The following TACC2 variants were observed in gnomAD, a reference collection of about 807,000 sequenced individuals.
TACC2 encodes transforming acidic coiled-coil-containing protein 2.
TACC2 carries 137 observed loss-of-function variants against 227.3 expected under a neutral mutation model. The ratio of observed to expected loss-of-function variants is 0.60; its 90% CI spans 0.52 to 0.69. The LOEUF (loss-of-function observed/expected upper bound fraction) is 0.69. Ranked by LOEUF, TACC2 falls within the 30% of genes least tolerant of loss-of-function variation. TACC2 has a pLI of 0.00. For missense variants in TACC2, 3,470 were observed against 3,694.4 expected, an observed-to-expected ratio of 0.94 and a Z score of 1.57; for synonymous variants, 1,523 against 1,487.5, an observed-to-expected ratio of 1.02 and a Z score of -0.55.
intron 22 of TACC2, among the ~76,000 whole-genome samples, chr10:122,251,153 G>A (rs2096247498): frequency 1.3e-5 from 2 of 151,852 alleles, no homozygotes; most frequent in South Asian, 4.2e-4. Context: ...TTAAACTTCT[G>A]GGCTCAAGCA....
chr10:122,031,827 C>T (rs1283986837), intron 2 of TACC2, among the ~76,000 whole-genome samples: 20 of 152,182 alleles, frequency 1.3e-4, no homozygotes, highest in Admixed American at 1.2e-3. Context: ...GCCTCAGCCT[C>T]CCGAGTAGCT....
chr10:122,063,056 A>T (rs1392481592), intron 3 of TACC2, among the ~76,000 whole-genome samples: 1 of 116,304 alleles, frequency 8.6e-6, no homozygotes, highest in African/African-American at 2.6e-5. Context: ...CAGACTCGTA[A>T]CTGACTCTCA....
At position 122,021,946 on chromosome 10, in the gene TACC2, A is replaced by G; in HGVS notation, c.-36A>G. 6.2e-7 allele frequency: 1 copy of G among 1,613,244 alleles called. No individual in the cohort carries two copies. The highest frequency in any genetic ancestry group is 8.5e-7 in the Non-Finnish European group (1 of 1,179,256). ...CTTTTGTTTCTTCCAGTCACCTCTG[A>G]CAAAATTCTGGGGACGCTGGGAACA... On this transcript the variant is annotated 5_prime_UTR_variant, in exon 2 of 23. Transcript: ENST00000369005.
chr10:122,144,218 C>T (rs1325948297), intron 7 of TACC2, among the ~76,000 whole-genome samples: 2 of 152,066 alleles, frequency 1.3e-5, no homozygotes, highest in Non-Finnish European at 2.9e-5. Flanking sequence ...GGGATGAGGT[C>T]CACCCACATT....
Position 122,083,703 on chromosome 10 carries a change from G to A in TACC2, c.1203G>A (p.Leu401=), listed in dbSNP as rs1341585496. ...VAAGGQPEGG[L]PVSPEPSLLT... ...CAGGCGGCCAGCCCGAAGGGGGTTTGCCTGTGAGCCCTGAACCTTCCCTGC... is the reference window on the plus strand; with the variant it reads ...CAGGCGGCCAGCCCGAAGGGGGTTTACCTGTGAGCCCTGAACCTTCCCTGC... Residue 401 remains leucine, a synonymous_variant, in exon 4 of 23, where the codon TTG becomes TTA. Coordinates refer to ENST00000369005, the MANE Select transcript of TACC2 (RefSeq NM_206862.4). The A allele has an allele frequency of 1.9e-6, 3 of 1,613,478 alleles. No individual in the cohort carries two copies. Among genetic ancestry groups the A allele is most frequent in the Non-Finnish European group, 2.5e-6 (3 of 1,180,032 alleles).
chr10:122,096,389 C>T (rs1002222494), intron 5 of TACC2, among the ~76,000 whole-genome samples: 2 of 152,180 alleles, frequency 1.3e-5, no homozygotes, highest in African/African-American at 2.4e-5. Context: ...CCCCCGGTGG[C>T]CACACCTACA....
At chr10:122,148,865 G>A (rs1290243144) in intron 7 of TACC2, among the ~76,000 whole-genome samples, 1 of 152,218 alleles carries the variant, frequency 6.6e-6, no homozygotes, top group Non-Finnish European at 1.5e-5. Flanking sequence ...GGAGAAAAGT[G>A]AGGTTCTGGG....
chr10:121,999,501 C>T (rs1408261148), intron 1 of TACC2, among the ~76,000 whole-genome samples: 1 of 152,256 alleles, frequency 6.6e-6, no homozygotes, highest in Non-Finnish European at 1.5e-5. Flanking sequence ...GTCACAAGCT[C>T]ATCGCCACAT....
chr10:122,069,315 C>G (rs996734152), intron 3 of TACC2, among the ~76,000 whole-genome samples: 1 of 152,084 alleles, frequency 6.6e-6, no homozygotes, highest in Non-Finnish European at 1.5e-5. Context: ...CATCTCGGCT[C>G]ACTACAATCT....
intron 1 of TACC2, among the ~76,000 whole-genome samples, chr10:122,004,791 C>T (rs1954854895): frequency 6.6e-6 from 1 of 152,160 alleles, no homozygotes; most frequent in Non-Finnish European, 1.5e-5. Flanking sequence ...CTATTGCAAT[C>T]CCCCCTCTTG....
At position 122,084,247 on chromosome 10, in the gene TACC2, C is replaced by G; in HGVS notation, c.1747C>G (p.Pro583Ala). ...GDSPGGKEEA[P>A]EPPDGGDPGN... ...CAGCCCTGGAGGAAAGGAGGAAGCC[C>G]CAGAGCCACCTGATGGTGGAGACCC... The change falls in exon 4 of 23, where the codon CCA (proline) becomes GCA (alanine). Residue 583 changes from proline to alanine, a missense_variant. Pro to Ala is a conservative substitution (Grantham distance 27, BLOSUM62 -1). Transcript: ENST00000369005. 6.2e-7 allele frequency: 1 copy of G among 1,614,002 alleles called. No homozygotes were observed. The highest frequency in any genetic ancestry group is 1.1e-5 in the South Asian group (1 of 91,080).
At position 122,085,200 on chromosome 10, in the gene TACC2, A is replaced by G. The variant is rs780090188; in HGVS notation, c.2700A>G (p.Glu900=). 1 of 1,614,038 alleles carries G rather than the reference A, an allele frequency of 6.2e-7. No individual in the cohort carries two copies. The highest frequency in any genetic ancestry group is 8.5e-7 in the Non-Finnish European group (1 of 1,180,008). The change falls in exon 4 of 23, where the codon GAA becomes GAG. Residue 900 remains glutamate (E), a synonymous_variant. Transcript: ENST00000369005. The part of the protein sequence containing the change: ...HGGQEQALGS[E]LQSQLPKGTL... ...GACAGGAGCAGGCTTTGGGATCAGA[A>G]CTTCAAAGTCAGCTCCCCAAAGGCA...
chr10:122,020,343 C>A (rs184680728), intron 1 of TACC2, among the ~76,000 whole-genome samples: 36 of 149,812 alleles, frequency 2.4e-4, no homozygotes, highest in African/African-American at 8.2e-4. Flanking sequence ...TGTGTGTCTA[C>A]AGCAAAAGGC....
chr10:122,086,806 A>G lies in TACC2; in HGVS notation c.4306A>G (p.Ser1436Gly), dbSNP rs776779050. 6 of 1,613,940 alleles carry G rather than the reference A, an allele frequency of 3.7e-6. No individual in the cohort carries two copies. Among genetic ancestry groups the G allele is most frequent in the Non-Finnish European group, 5.1e-6 (6 of 1,180,000 alleles). The change falls in exon 4 of 23, where the codon AGT (serine) becomes GGT (glycine). Residue 1436 changes from serine (S) to glycine (G), a missense_variant. Ser to Gly is a moderately conservative substitution (Grantham distance 56). This residue lies in a region of TACC2 where 1,924 missense variants were observed against 1,978.3 expected (regional missense o/e 0.97). Coordinates refer to ENST00000369005, the MANE Select transcript of TACC2 (RefSeq NM_206862.4). ...TGGAGAAAAGGCAGGAGCTGGGAGG[A>G]GTGCAGTGGGTAAAGACCTCACCAG... Reference protein sequence around the residue: ...TPGEKAGAGRSAVGKDLTRPL... With the variant: ...TPGEKAGAGRGAVGKDLTRPL...
intron 1 of TACC2, among the ~76,000 whole-genome samples, 169 bp from the exon 2 acceptor site, chr10:122,021,768 G>A (rs1053505630): frequency 1.3e-5 from 2 of 152,192 alleles, no homozygotes; most frequent in African/African-American, 2.4e-5. Context: ...AAAGAAACCT[G>A]GGTGGCAGAT....
At chr10:122,012,672 C>T (rs1437119633) in intron 1 of TACC2, among the ~76,000 whole-genome samples, 4 of 152,052 alleles carry the variant, frequency 2.6e-5, no homozygotes, top group African/African-American at 9.7e-5. Flanking sequence ...AAAGCAGCTA[C>T]CACCCTTAAG....
At chr10:122,137,711 C>T (rs1480088436) in intron 6 of TACC2, among the ~76,000 whole-genome samples, 2 of 152,172 alleles carry the variant, frequency 1.3e-5, no homozygotes, top group African/African-American at 4.8e-5. Context: ...GCTGACAACC[C>T]AGATATGCTG....
chr10:122,070,475 T>G (rs1401049258), intron 3 of TACC2, among the ~76,000 whole-genome samples: 1 of 151,842 alleles, frequency 6.6e-6, no homozygotes, highest in Non-Finnish European at 1.5e-5. Context: ...CAGGTTTGGG[T>G]CAGGCGCGGT....
chr10:122,198,742 T>G (rs1593226724), intron 8 of TACC2, among the ~76,000 whole-genome samples: 1 of 152,214 alleles, frequency 6.6e-6, no homozygotes, highest in African/African-American at 2.4e-5. Flanking sequence ...GGAACCAGAC[T>G]GCTCTCTGCG....
Sources: gnomAD v4.1 joint callset for allele counts (sites outside exome capture counted in the v4.1 genomes callset) on GRCh38, gnomAD v4.1.1 for gene constraint, gnomAD v4.1.1 regional missense constraint, MANE v1.5 for transcripts, NCBI Gene and HGNC (gene_info 2026-07-23, HGNC 2026-07-21) for gene names.